Variants in RAPGEF1 observed in about 807,000 individuals in gnomAD.
The protein encoded by RAPGEF1 is Rap guanine nucleotide exchange factor 1.
Under a neutral mutation model 143.3 loss-of-function variants are expected in RAPGEF1, and 33 were observed. That is an observed-to-expected ratio of 0.23 (90% confidence interval 0.17 to 0.31). RAPGEF1 has a LOEUF of 0.31. RAPGEF1 is among the 10% of genes least tolerant of loss of function. The pLI is 1.00. For synonymous variants in RAPGEF1, 629 were observed against 676.5 expected, an observed-to-expected ratio of 0.93 and a Z score of 1.09; for missense variants, 1,199 against 1,645.4, an observed-to-expected ratio of 0.73 and a Z score of 4.69.
At chr9:131,596,522 G>A in intron 16 of RAPGEF1, 149 bp from the exon 17 acceptor site, 1 of 806,372 alleles carries the variant, frequency 1.2e-6, no homozygotes, top group Non-Finnish European at 2.0e-6. Context: ...GGAGCAGTGT[G>A]GCTGCGCTGC....
Position 131,619,132 on chromosome 9 carries a change from C to G in RAPGEF1, c.1980G>C (p.Glu660Asp), listed in dbSNP as rs1209470350. Reference protein sequence around the residue: ...VQQTKVAFTPEDGSAAQGLSV... With the variant: ...VQQTKVAFTPDDGSAAQGLSV... ...TGAGGCCCTGAGCGGCACTGCCGTC[C>G]TCGGGGGTGAAGGCCACTTTAGTTT... The change falls in exon 12 of 27, where the codon GAG becomes GAC. Residue 660 changes from glutamate (E) to aspartate (D), a missense_variant. This residue lies in a region of RAPGEF1 where 293 missense variants were observed against 356.2 expected (regional missense o/e 0.82). Transcript: ENST00000683357. 3 of 1,332,876 alleles carry G rather than the reference C, an allele frequency of 2.3e-6. No individual in the cohort carries two copies. The African/African-American group carries it at 4.5e-5, about 20-fold the overall frequency. 82.6% of individuals were successfully genotyped at this position (1,332,876 alleles called of 1,614,324 possible).
At chr9:131,671,477 G>T (rs1831380830) in intron 1 of RAPGEF1, among the ~76,000 whole-genome samples, 2 of 152,372 alleles carry the variant, frequency 1.3e-5, no homozygotes, top group South Asian at 4.1e-4. Context: ...ATGTGGCTGA[G>T]CGCCTCCAAC....
intron 1 of RAPGEF1, among the ~76,000 whole-genome samples, chr9:131,739,152 C>T (rs753575874): frequency 1.8e-4 from 28 of 152,202 alleles, no homozygotes; most frequent in Non-Finnish European, 3.5e-4. Flanking sequence ...TCTAGGAACA[C>T]ACAAAGAGAC....
intron 1 of RAPGEF1, among the ~76,000 whole-genome samples, chr9:131,663,022 T>C (rs1347451723): frequency 1.3e-5 from 2 of 152,032 alleles, no homozygotes; most frequent in Non-Finnish European, 2.9e-5. Context: ...GCTGAAAGAA[T>C]ATTATGAAGC....
chr9:131,579,221 G>GAAAAC lies in RAPGEF1; in HGVS notation c.*271_*275dup. ...GAGGGGAGAGATGGAAGTAAAAGCA[G>GAAAAC]AAAACAAAACCAAACCAGAAAACCA... On this transcript the variant is annotated 3_prime_UTR_variant, in exon 27 of 27. Coordinates refer to ENST00000683357, the MANE Select transcript of RAPGEF1 (RefSeq NM_001377935.1). 2.4e-6 allele frequency: 1 copy of GAAAAC among 425,374 alleles called. No individual in the cohort carries two copies. The highest frequency in any genetic ancestry group is 2.9e-5 in the South Asian group (1 of 34,274). 26.3% of individuals were successfully genotyped at this position (425,374 alleles called of 1,614,324 possible).
chr9:131,724,309 C>G (rs1365333865), intron 1 of RAPGEF1, among the ~76,000 whole-genome samples: 9 of 152,252 alleles, frequency 5.9e-5, no homozygotes, highest in Admixed American at 3.3e-4. Flanking sequence ...GAAAAAAGTC[C>G]ACTCGGCCGG....
chr9:131,681,290 T>C (rs1290131019), intron 1 of RAPGEF1, among the ~76,000 whole-genome samples: 1 of 152,142 alleles, frequency 6.6e-6, no homozygotes, highest in Non-Finnish European at 1.5e-5. Context: ...CCCCAGTGAC[T>C]GTTCAAGCAG....
At chr9:131,624,541 G>A (rs1407017580) in intron 10 of RAPGEF1, among the ~76,000 whole-genome samples, 2 of 152,184 alleles carry the variant, frequency 1.3e-5, no homozygotes, top group Admixed American at 1.3e-4. Context: ...GGAAGGGTAA[G>A]GCTCTCTGGC....
intron 1 of RAPGEF1, among the ~76,000 whole-genome samples, chr9:131,700,515 T>C (rs566155869): frequency 6.6e-6 from 1 of 152,328 alleles, no homozygotes; most frequent in Admixed American, 6.5e-5. Context: ...CCTCATTAGG[T>C]ATCCCCCGTG....
intron 1 of RAPGEF1, among the ~76,000 whole-genome samples, chr9:131,736,010 C>T (rs1251000902): frequency 1.3e-5 from 2 of 152,176 alleles, no homozygotes; most frequent in African/African-American, 4.8e-5. Context: ...ATGACGGTAT[C>T]AACTCTCCTC....
chr9:131,619,270 G>A, intron 11 of RAPGEF1, 64 bp from the exon 12 acceptor site: 1 of 1,249,756 alleles, frequency 8.0e-7, no homozygotes, highest in Non-Finnish European at 1.1e-6. Context: ...GAACAGTCAG[G>A]TCCGTGCAGG....
chr9:131,657,660 C>T (rs902192653), intron 1 of RAPGEF1, among the ~76,000 whole-genome samples: 17 of 152,184 alleles, frequency 1.1e-4, no homozygotes, highest in Middle Eastern at 3.4e-3. Context: ...GTGGCTGAGG[C>T]ACTGAACTGT....
chr9:131,611,889 T>C (rs2132645234), intron 12 of RAPGEF1, among the ~76,000 whole-genome samples: 1 of 152,252 alleles, frequency 6.6e-6, no homozygotes, highest in Non-Finnish European at 1.5e-5. Flanking sequence ...AATTAAGCAG[T>C]TCAAAAATGT....
At chr9:131,736,845 C>A (rs984684504) in intron 1 of RAPGEF1, among the ~76,000 whole-genome samples, 2 of 152,178 alleles carry the variant, frequency 1.3e-5, no homozygotes, top group African/African-American at 4.8e-5. Flanking sequence ...CCAATCACAA[C>A]AATTGTTTGC....
chr9:131,635,675 G>A lies in RAPGEF1; in HGVS notation c.651+2960C>T, dbSNP rs118081425. On this transcript the variant is annotated intron_variant, in intron 5 of 26. Transcript: ENST00000683357. ...GAAGCCAGCTAGCTTGGAGGTGGGA[G>A]TGCAGAGAATCCTGTCCTCCCATGG... Among the ~76,000 whole-genome samples, 302 of 152,210 alleles carry A rather than the reference G, an allele frequency of 2.0e-3. 1 individual carries two copies. Among genetic ancestry groups the A allele is most frequent in the Non-Finnish European group, 3.6e-3 (247 of 68,008 alleles).
At chr9:131,608,278 A>C (rs542161691) in intron 12 of RAPGEF1, among the ~76,000 whole-genome samples, 1 of 152,210 alleles carries the variant, frequency 6.6e-6, no homozygotes, top group Non-Finnish European at 1.5e-5. Context: ...CCAACAATCC[A>C]GGAACTGCCC....
chr9:131,715,640 C>A (rs982524029), intron 1 of RAPGEF1, among the ~76,000 whole-genome samples: 1 of 151,892 alleles, frequency 6.6e-6, no homozygotes, highest in African/African-American at 2.4e-5. Context: ...CCAAGGTGGG[C>A]AGATCACAAG....
intron 1 of RAPGEF1, among the ~76,000 whole-genome samples, chr9:131,687,758 C>T (rs1389255334): frequency 6.6e-6 from 1 of 152,264 alleles, no homozygotes; most frequent in East Asian, 1.9e-4. Context: ...TTAATCTTCT[C>T]TCTCACCACG....
chr9:131,600,547 T>G (rs1956101077), intron 15 of RAPGEF1, among the ~76,000 whole-genome samples: 1 of 152,092 alleles, frequency 6.6e-6, no homozygotes, highest in South Asian at 2.1e-4. Context: ...CCCTATGCAA[T>G]GCCTTCTCAT....
Sources: gnomAD v4.1 joint callset for allele counts (sites outside exome capture counted in the v4.1 genomes callset) on GRCh38, gnomAD v4.1.1 for gene constraint, gnomAD v4.1.1 regional missense constraint, MANE v1.5 for transcripts, NCBI Gene and HGNC (gene_info 2026-07-23, HGNC 2026-07-21) for gene names.